EHF: variants seen among roughly 807,000 people sequenced by gnomAD.
EHF encodes ETS homologous factor, also known as ESE3 transcription factor.
EHF carries 14 observed loss-of-function variants against 45.1 expected under a neutral mutation model. That is an observed-to-expected ratio of 0.31 (90% CI 0.21 to 0.49). The LOEUF is 0.49. Among genes scored for constraint, EHF ranks in the 20% least tolerant of loss-of-function variants. The pLI is 0.99. For missense variants in EHF, 282 were observed against 371.4 expected (o/e 0.76, Z 1.98); for synonymous variants, 136 against 131.8 (o/e 1.03, Z -0.22).
chr11:34,628,859 G>A (rs1852613359), intron 1 of EHF, among the ~76,000 whole-genome samples: 1 of 152,208 alleles, frequency 6.6e-6, no homozygotes, highest in South Asian at 2.1e-4. Flanking sequence ...AACCTGTGCA[G>A]TTCCACGGGG....
At chr11:34,635,645 A>G (rs1186768181) in intron 1 of EHF, among the ~76,000 whole-genome samples, 1 of 147,160 alleles carries the variant, frequency 6.8e-6, no homozygotes, top group East Asian at 2.0e-4. Context: ...GGAAAGAGAA[A>G]CCTTTAGCCG....
chr11:34,641,701 C>T (rs906771496), intron 1 of EHF, among the ~76,000 whole-genome samples: 8 of 152,144 alleles, frequency 5.3e-5, no homozygotes, highest in Admixed American at 1.3e-4. Context: ...ACTGAACACA[C>T]GGTTGGGGAT....
chr11:34,656,497 G>T lies in EHF; in HGVS notation c.545-411G>T, dbSNP rs114489120. ...AAGTCCCATAAGGGATTAATGATCA[G>T]AACCTCAGCTCCTCCCTCTCTGCCT... On this transcript the variant is annotated intron_variant, in intron 6 of 8. Transcript: ENST00000257831. Among the ~76,000 whole-genome samples, 779 of 151,910 alleles carry T rather than the reference G, an allele frequency of 5.1e-3. 9 individuals carry two copies. The highest frequency in any genetic ancestry group is 0.017 in the African/African-American group (724 of 41,420).
chr11:34,639,390 G>A (rs941579150), intron 1 of EHF, among the ~76,000 whole-genome samples: 9 of 152,220 alleles, frequency 5.9e-5, no homozygotes, highest in African/African-American at 2.2e-4. Context: ...ATTAGCATAT[G>A]GGAGTATGGG....
At chr11:34,658,443 C>T (rs946055802) in intron 7 of EHF, 90 bp from the exon 8 acceptor site, 10 of 1,107,296 alleles carry the variant, frequency 9.0e-6, no homozygotes, top group Admixed American at 8.9e-5. Flanking sequence ...GTATCTCCTA[C>T]TTGCAGGAAG....
intron 1 of EHF, among the ~76,000 whole-genome samples, chr11:34,630,919 C>A (rs756766355): frequency 2.0e-5 from 3 of 152,110 alleles, no homozygotes; most frequent in Non-Finnish European, 4.4e-5. Flanking sequence ...TAGTAATGAA[C>A]CCCCAACGGC....
intron 1 of EHF, among the ~76,000 whole-genome samples, chr11:34,627,112 T>TTGTGTGTG (rs6144298): frequency 8.7e-5 from 13 of 148,682 alleles, no homozygotes; most frequent in South Asian, 8.6e-4. Context: ...GGATTTTGGT[T>TTGTGTGTG]TGTGTGTGTG....
At chr11:34,626,014 T>C (rs1214913070) in intron 1 of EHF, among the ~76,000 whole-genome samples, 1 of 152,254 alleles carries the variant, frequency 6.6e-6, no homozygotes, top group East Asian at 1.9e-4. Context: ...ATGCCTATTA[T>C]AGTAGTTGGA....
Position 34,658,565 on chromosome 11 carries a change from C to T in EHF, c.640C>T (p.Arg214Cys), listed in dbSNP as rs1396441832. ...AGGGACTCACTTATGGGAATTCATC[C>T]GCGACATCCTCTTGAACCCAGACAA... ...PRGTHLWEFI[R>C]DILLNPDKNP... Residue 214 changes from arginine (R) to cysteine (C), a missense_variant, in exon 8 of 9, where the codon CGC becomes TGC. Physicochemically the swap from Arg to Cys is radical, Grantham distance 180. Around this residue, in one of 3 missense-constraint regions of EHF, gnomAD observed 41 missense variants for 87.0 expected, o/e 0.47. Transcript: ENST00000257831. The T allele has an allele frequency of 4.3e-6, 7 of 1,613,210 alleles. No homozygotes were observed. The highest frequency in any genetic ancestry group is 5.1e-6 in the Non-Finnish European group (6 of 1,179,588).
chr11:34,657,066 G>C, intron 7 of EHF, 96 bp downstream of exon 7: 1 of 1,419,726 alleles, frequency 7.0e-7, no homozygotes. Flanking sequence ...GCCTCTGTCT[G>C]CTGCCTTCAT....
chr11:34,642,339 C>T (rs1590476659), intron 1 of EHF: 1 of 232,168 alleles, frequency 4.3e-6, no homozygotes, highest in East Asian at 8.9e-5. Context: ...CAGCCTCGCC[C>T]TGGGAGCAGG....
intron 7 of EHF, 41 bp downstream of exon 7, chr11:34,657,011 T>A (rs866615387): frequency 2.5e-6 from 4 of 1,610,038 alleles, no homozygotes; most frequent in Middle Eastern, 1.7e-4. Context: ...GTCCTTCCCA[T>A]CACATCGGGC....
intron 2 of EHF, among the ~76,000 whole-genome samples, chr11:34,645,322 A>C (rs1255561145): frequency 6.6e-6 from 1 of 152,136 alleles, no homozygotes; most frequent in African/African-American, 2.4e-5. Context: ...TTGGCATCTG[A>C]ATGTACCATC....
rs286906 is a variant in EHF at position 34,639,112 on chromosome 11, C to T, written c.-3-3516C>T. ...CAGCTCTCCCATTTCTAAACCAGTG[C>T]GAGAAATGGAGGCTCAGAAAGGTTA... On this transcript the variant is annotated intron_variant, in intron 1 of 8. Coordinates refer to ENST00000257831, the MANE Select transcript of EHF (RefSeq NM_012153.6). Among the ~76,000 whole-genome samples the T allele has an allele frequency of 8.3e-3, 1,270 of 152,162 alleles. 16 individuals carry two copies. The highest frequency in any genetic ancestry group is 0.029 in the African/African-American group (1,197 of 41,506).
chr11:34,646,774 G>A, intron 3 of EHF, 90 bp downstream of exon 3: 2 of 1,524,630 alleles, frequency 1.3e-6, no homozygotes, highest in South Asian at 1.2e-5. Context: ...CTTTGTCAGG[G>A]ACAAGAAAGA....
chr11:34,631,193 G>A (rs1852859311), intron 1 of EHF, among the ~76,000 whole-genome samples: 1 of 151,978 alleles, frequency 6.6e-6, no homozygotes, highest in South Asian at 2.1e-4. Flanking sequence ...CACCATGCCT[G>A]GCTAATTTGT....
In EHF at chr11:34,658,513, G is replaced by A. The variant is rs550910897; in HGVS notation, c.608-20G>A. The A allele has an allele frequency of 1.9e-6, 3 of 1,604,620 alleles. No individual in the cohort carries two copies. Among genetic ancestry groups the A allele is most frequent in the South Asian group, 2.2e-5 (2 of 90,000 alleles). On this transcript the variant is annotated intron_variant, in intron 7 of 8. Transcript: ENST00000257831. ...CTGTGACTTAGATCATTAGTAACCT[G>A]CCTTTCTGCTTTTCATCAGACCCGA...
chr11:34,624,715 C>T (rs115187112), intron 1 of EHF, among the ~76,000 whole-genome samples: 2,093 of 152,184 alleles, frequency 0.014, 56 homozygotes, highest in African/African-American at 0.047. Flanking sequence ...TTCCAGGGAT[C>T]CCTCAGAGTT....
At chr11:34,625,774 G>A (rs1230509733) in intron 1 of EHF, among the ~76,000 whole-genome samples, 2 of 152,176 alleles carry the variant, frequency 1.3e-5, no homozygotes, top group Admixed American at 1.3e-4. Context: ...TTACGGGGCC[G>A]GGCCCCTTGT....
Sources: gnomAD v4.1 joint callset for allele counts (sites outside exome capture counted in the v4.1 genomes callset) on GRCh38, gnomAD v4.1.1 for gene constraint, gnomAD v4.1.1 regional missense constraint, MANE v1.5 for transcripts, NCBI Gene and HGNC (gene_info 2026-07-23, HGNC 2026-07-21) for gene names.